Variants in CDC5L observed in about 807,000 individuals in gnomAD.
The protein encoded by CDC5L is cell division cycle 5-like protein.
CDC5L carries 18 observed loss-of-function variants against 104.1 expected under a neutral mutation model. That is an observed-to-expected ratio of 0.17 (90% CI 0.12 to 0.26). CDC5L has a LOEUF of 0.26. Ranked by LOEUF, CDC5L falls within the 10% of genes least tolerant of loss-of-function variation. The pLI, the probability that CDC5L is intolerant of heterozygous loss-of-function variation, is 1.00. For synonymous variants in CDC5L, 331 were observed against 322.7 expected (o/e 1.03, Z -0.28); for missense variants, 673 against 956.9 (o/e 0.70, Z 3.91).
chr6:44,387,939 T>C, intron 1 of CDC5L, 71 bp downstream of exon 1: 1 of 1,457,770 alleles, frequency 6.9e-7, no homozygotes, highest in Non-Finnish European at 9.3e-7. Context: ...CGCGCGGAGG[T>C]CGGGGGGGCG....
chr6:44,430,439 A>G, intron 14 of CDC5L, among the ~76,000 whole-genome samples: 1 of 148,162 alleles, frequency 6.7e-6, no homozygotes, highest in East Asian at 2.0e-4. Flanking sequence ...GAAAATGTTG[A>G]AAACATACTA....
In CDC5L at chr6:44,417,864, TA is replaced by T. The variant is rs1453256928; in HGVS notation, c.1093-1581del. The stretch of plus-strand genomic sequence containing the variant: ...AGAGAATTCAGTGGTGAAGCCAGAC[TA>T]AAACCCAGGCATTCAGACATTTGGC... On this transcript the variant is annotated intron_variant, in intron 8 of 15. Coordinates refer to ENST00000371477, the MANE Select transcript of CDC5L (RefSeq NM_001253.4). 3.9e-5 allele frequency among the ~76,000 whole-genome samples: 6 copies of T among 152,322 alleles called. No individual in the cohort carries two copies. In the East Asian group the frequency reaches 1.2e-3, roughly 29 times the overall value.
rs141567880 is a variant in CDC5L, at chr6:44,408,455, A to G, written c.915A>G (p.Ala305=). The G allele has an allele frequency of 3.6e-4, 574 of 1,611,146 alleles. No homozygotes were observed. In the African/African-American group the frequency reaches 6.8e-3, roughly 19 times the overall value. The change falls in exon 8 of 16, where the codon GCA becomes GCG. Residue 305 remains alanine, a synonymous_variant. Transcript: ENST00000371477. The part of the protein sequence containing the change: ...LVLPAPQISD[A]ELQEVVKVGQ... ...TTGTGTCCTTTTAGATTTCAGATGC[A>G]GAACTCCAGGAAGTTGTAAAAGTAG... is the stretch of plus-strand genomic sequence containing the variant.
At chr6:44,442,544 A>T (rs926782425) in intron 14 of CDC5L, among the ~76,000 whole-genome samples, 1 of 152,176 alleles carries the variant, frequency 6.6e-6, no homozygotes, top group Non-Finnish European at 1.5e-5. Flanking sequence ...TAAGTTGATA[A>T]CAACTTAATT....
intron 13 of CDC5L, among the ~76,000 whole-genome samples, chr6:44,427,178 C>T (rs1292389991): frequency 6.6e-6 from 1 of 152,092 alleles, no homozygotes; most frequent in Non-Finnish European, 1.5e-5. Context: ...AATATATTCC[C>T]CTCACATGAT....
chr6:44,421,128 A>T (rs1412029960), intron 9 of CDC5L, among the ~76,000 whole-genome samples: 2 of 152,204 alleles, frequency 1.3e-5, no homozygotes, highest in African/African-American at 4.8e-5. Flanking sequence ...AGATTCTAAG[A>T]TCGTTAATAT....
At chr6:44,391,638 G>A (rs912314891) in intron 2 of CDC5L, among the ~76,000 whole-genome samples, 4 of 152,150 alleles carry the variant, frequency 2.6e-5, no homozygotes, top group Non-Finnish European at 5.9e-5. Context: ...CCCAAGTCAT[G>A]TGGCATTAGG....
intron 5 of CDC5L, among the ~76,000 whole-genome samples, chr6:44,397,526 G>A (rs1441722189): frequency 6.6e-6 from 1 of 152,214 alleles, no homozygotes; most frequent in Non-Finnish European, 1.5e-5. Flanking sequence ...AGCTATGGCA[G>A]AGGTAATGCC....
At chr6:44,425,655 A>G (rs1298499204) in intron 11 of CDC5L, among the ~76,000 whole-genome samples, 2 of 152,190 alleles carry the variant, frequency 1.3e-5, no homozygotes, top group Non-Finnish European at 2.9e-5. Context: ...ACTTTGAGTT[A>G]CATTTACTCC....
chr6:44,415,952 A>AT (rs1423537381), intron 8 of CDC5L, among the ~76,000 whole-genome samples: 1 of 152,076 alleles, frequency 6.6e-6, no homozygotes, highest in Non-Finnish European at 1.5e-5. Flanking sequence ...TCTGTGACAT[A>AT]TTTTTTTGTA....
At chr6:44,431,400 G>A (rs1792677073) in intron 14 of CDC5L, among the ~76,000 whole-genome samples, 1 of 152,110 alleles carries the variant, frequency 6.6e-6, no homozygotes, top group Non-Finnish European at 1.5e-5. Context: ...TTTTTTTGTT[G>A]TGTAGGCTTC....
At chr6:44,407,254 C>G (rs1791411451) in intron 7 of CDC5L, among the ~76,000 whole-genome samples, 1 of 151,546 alleles carries the variant, frequency 6.6e-6, no homozygotes, top group Non-Finnish European at 1.5e-5. Flanking sequence ...TACAAACATT[C>G]TTTCATTCAG....
chr6:44,444,810 A>C (rs1455319645), intron 14 of CDC5L, among the ~76,000 whole-genome samples: 1 of 152,082 alleles, frequency 6.6e-6, no homozygotes, highest in Non-Finnish European at 1.5e-5. Flanking sequence ...CTTTGGGTGG[A>C]TGCTGTGCAA....
chr6:44,419,626 A>G, intron 9 of CDC5L, 29 bp downstream of exon 9: 2 of 1,577,496 alleles, frequency 1.3e-6, no homozygotes, highest in Non-Finnish European at 1.7e-6. Flanking sequence ...TTTTTATTTT[A>G]GAAAAACTTG....
At chr6:44,418,845 G>T (rs201844205) in intron 8 of CDC5L, among the ~76,000 whole-genome samples, 202 of 136,370 alleles carry the variant, frequency 1.5e-3, no homozygotes, top group African/African-American at 3.4e-3. Context: ...GTGGTTGTTT[G>T]TTTTTTTTTT....
Position 44,429,820 on chromosome 6 carries a change from A to G in CDC5L, c.2001A>G (p.Gln667=). ...AGGTGTGGGAAGAATGCTACAGTCAAGTTTTATATCTTCCTGGGCAGAGCC... is the reference window on the plus strand; with the variant it reads ...AGGTGTGGGAAGAATGCTACAGTCAGGTTTTATATCTTCCTGGGCAGAGCC... ...YNQVWEECYS[Q]VLYLPGQSRY... is the part of the protein sequence containing the mutation. The change falls in exon 14 of 16, where the codon CAA becomes CAG. Residue 667 remains glutamine, a synonymous_variant. Transcript: ENST00000371477. 1 of 1,614,144 alleles carries G rather than the reference A, an allele frequency of 6.2e-7. No individual in the cohort carries two copies.
chr6:44,392,813 A>G lies in CDC5L; in HGVS notation c.296A>G (p.His99Arg). 1.2e-6 allele frequency: 2 copies of G among 1,613,274 alleles called. No individual in the cohort carries two copies. The highest frequency in any genetic ancestry group is 1.7e-6 in the Non-Finnish European group (2 of 1,179,414). Reference sequence around the variant, plus strand: ...AGAACAGCGGCCCAGTGCTTAGAACACTATGAATTTCTTCTGTAAGTGAGT... The same window carrying G: ...AGAACAGCGGCCCAGTGCTTAGAACGCTATGAATTTCTTCTGTAAGTGAGT... ...IGRTAAQCLE[H>R]YEFLLDKAAQ... Residue 99 changes from histidine (H) to arginine (R), a missense_variant, in exon 3 of 16, where the codon CAC becomes CGC. By Grantham distance (29) the His-to-Arg change is conservative (BLOSUM62 0). Coordinates refer to ENST00000371477, the MANE Select transcript of CDC5L (RefSeq NM_001253.4).
At position 44,450,399 on chromosome 6, in the gene CDC5L, T is replaced by C. The variant is rs1042617750; in HGVS notation, c.*3688T>C. On this transcript the variant is annotated 3_prime_UTR_variant, in exon 16 of 16. Coordinates refer to ENST00000371477, the MANE Select transcript of CDC5L (RefSeq NM_001253.4). ...ACCTATTTTTAAATTTAAGCAACTT[T>C]AAATTAAAAAAATTGTTTTTAAAAT... The C allele has an allele frequency of 1.3e-5, 2 of 152,206 alleles. No individual in the cohort carries two copies. The highest frequency in any genetic ancestry group is 2.9e-5 in the Non-Finnish European group (2 of 68,038). The allele number at this position is 152,206 out of a possible 1,614,324, so 9.4% of individuals were successfully genotyped here.
intron 8 of CDC5L, among the ~76,000 whole-genome samples, chr6:44,418,743 A>G (rs1289379928): frequency 6.6e-6 from 1 of 152,062 alleles, no homozygotes; most frequent in Admixed American, 6.6e-5. Flanking sequence ...TCTGATGGCC[A>G]GTGATGATGA....
Sources: gnomAD v4.1 joint callset for allele counts (sites outside exome capture counted in the v4.1 genomes callset) on GRCh38, gnomAD v4.1.1 for gene constraint, MANE v1.5 for transcripts, NCBI Gene and HGNC (gene_info 2026-07-23, HGNC 2026-07-21) for gene names.